DYNC1I1: variants seen among roughly 807,000 people sequenced by gnomAD.
DYNC1I1 encodes the protein dynein cytoplasmic 1 intermediate chain 1.
A neutral mutation model predicts 86.6 loss-of-function variants in DYNC1I1; 43 were observed. That is an observed-to-expected ratio of 0.50 (90% confidence interval 0.39 to 0.64). DYNC1I1 has a LOEUF of 0.64. Ranked by LOEUF, DYNC1I1 falls within the 30% of genes least tolerant of loss-of-function variation. The probability of loss-of-function intolerance (pLI) is 0.00; values close to 1 mark genes in which losing one functional copy is unlikely to be tolerated. For synonymous variants in DYNC1I1, 262 were observed against 283.7 expected (o/e 0.92, Z 0.77); for missense variants, 604 against 788.8 (o/e 0.77, Z 2.81).
chr7:96,013,218 A>T (rs1469207085), intron 10 of DYNC1I1, among the ~76,000 whole-genome samples: 3 of 152,082 alleles, frequency 2.0e-5, no homozygotes, highest in Non-Finnish European at 4.4e-5. Context: ...GTGTGATGTG[A>T]GAGAGAGACT....
At chr7:96,063,107 A>G (rs190253818) in intron 14 of DYNC1I1, among the ~76,000 whole-genome samples, 1,783 of 129,130 alleles carry the variant, frequency 0.014, 32 homozygotes, top group African/African-American at 0.056. Flanking sequence ...GTGTATATAT[A>G]TGTGTGTGTG....
rs115605959 is a variant in DYNC1I1, at chr7:96,030,657, C to T, written c.1117-2010C>T. 6.2e-3 allele frequency among the ~76,000 whole-genome samples: 943 copies of T among 152,190 alleles called. 15 individuals carry two copies. Among genetic ancestry groups the T allele is most frequent in the African/African-American group, 0.021 (883 of 41,506 alleles). On this transcript the variant is annotated intron_variant, in intron 11 of 16. Transcript: ENST00000447467. Reference sequence around the variant, plus strand: ...GCCCCACTGGACTCTTGTTGAAAAACAAGATGGATTTCAGGTTCATAACAG... The same window carrying T: ...GCCCCACTGGACTCTTGTTGAAAAATAAGATGGATTTCAGGTTCATAACAG...
chr7:95,968,139 A>T (rs1793064709), intron 6 of DYNC1I1, among the ~76,000 whole-genome samples: 1 of 151,868 alleles, frequency 6.6e-6, no homozygotes, highest in Non-Finnish European at 1.5e-5. Context: ...GGTTAGAGGT[A>T]GGGAACAATG....
rs1446124789 is a variant in DYNC1I1 at position 95,986,181 on chromosome 7, CAA to C, written c.744-874_744-873del. Among the ~76,000 whole-genome samples, 6 of 152,220 alleles carry C rather than the reference CAA, an allele frequency of 3.9e-5. No individual in the cohort carries two copies. In the East Asian group the frequency reaches 1.2e-3, roughly 29 times the overall value. On this transcript the variant is annotated intron_variant, in intron 8 of 16. Coordinates refer to ENST00000447467, the MANE Select transcript of DYNC1I1 (RefSeq NM_001135556.2). ...TGGAAGCCAGGTCACCCAGTCTGAA[CAA>C]GAGCCATATAAGTTAAGTGATGCAG... is the stretch of plus-strand genomic sequence containing the variant.
chr7:96,061,867 T>C (rs1789789917), intron 14 of DYNC1I1, among the ~76,000 whole-genome samples: 1 of 152,190 alleles, frequency 6.6e-6, no homozygotes, highest in African/African-American at 2.4e-5. Context: ...CCTATTAAAT[T>C]GCAAATGTGG....
intron 1 of DYNC1I1, among the ~76,000 whole-genome samples, chr7:95,780,478 C>T (rs1190673954): frequency 6.7e-6 from 1 of 148,364 alleles, no homozygotes; most frequent in African/African-American, 2.5e-5. Context: ...CGGGGTTTCA[C>T]CATGTTAGCC....
At chr7:95,991,422 G>C (rs1357508370) in intron 9 of DYNC1I1, among the ~76,000 whole-genome samples, 1 of 152,178 alleles carries the variant, frequency 6.6e-6, no homozygotes, top group East Asian at 1.9e-4. Flanking sequence ...CATTATAGTA[G>C]TTAGGGAATT....
chr7:96,045,478 A>T (rs759740704), intron 14 of DYNC1I1, among the ~76,000 whole-genome samples: 6 of 152,186 alleles, frequency 3.9e-5, no homozygotes, highest in Non-Finnish European at 5.9e-5. Context: ...AATTAGGAGG[A>T]GACATCAAAA....
At chr7:95,861,103 G>A (rs1562925649) in intron 5 of DYNC1I1, among the ~76,000 whole-genome samples, 1 of 151,972 alleles carries the variant, frequency 6.6e-6, no homozygotes, top group Non-Finnish European at 1.5e-5. Context: ...TTGGTTTCCT[G>A]GCTTCTGAGT....
At chr7:95,826,419 C>T (rs983110910) in intron 4 of DYNC1I1, among the ~76,000 whole-genome samples, 2 of 152,318 alleles carry the variant, frequency 1.3e-5, no homozygotes, top group African/African-American at 2.4e-5. Flanking sequence ...AAAGCAGCTG[C>T]TGCTTATCAT....
At chr7:95,799,628 A>C (rs1367871472) in intron 1 of DYNC1I1, among the ~76,000 whole-genome samples, 2 of 151,296 alleles carry the variant, frequency 1.3e-5, no homozygotes, top group Middle Eastern at 3.2e-3. Context: ...ACTACACTTA[A>C]TTTTTTAAAA....
At chr7:96,044,432 AT>A (rs1789146648) in intron 14 of DYNC1I1, among the ~76,000 whole-genome samples, 1 of 152,106 alleles carries the variant, frequency 6.6e-6, no homozygotes, top group Admixed American at 6.5e-5. Context: ...GCAAGAAAGC[AT>A]TAAAATCAAG....
Position 95,955,686 on chromosome 7 carries a change from C to T in DYNC1I1, c.491-21826C>T, listed in dbSNP as rs150786931. Among the ~76,000 whole-genome samples, 364 of 152,130 alleles carry T rather than the reference C, an allele frequency of 2.4e-3. 4 individuals are homozygous for T. Among genetic ancestry groups the T allele is most frequent in the African/African-American group, 8.2e-3 (342 of 41,500 alleles). On this transcript the variant is annotated intron_variant, in intron 6 of 16. Transcript: ENST00000447467. The stretch of plus-strand genomic sequence containing the variant: ...TGTTCACTTTCGGAAACACATTAAC[C>T]AGCTCACGTAAAAATTTCAAACAGG...
At chr7:95,845,364 G>C (rs866681844) in intron 5 of DYNC1I1, among the ~76,000 whole-genome samples, 3 of 152,196 alleles carry the variant, frequency 2.0e-5, no homozygotes, top group African/African-American at 7.2e-5. Context: ...AACTAGGAAA[G>C]TTCTAGAGGT....
intron 16 of DYNC1I1, among the ~76,000 whole-genome samples, chr7:96,091,627 G>A (rs1231064713): frequency 2.6e-5 from 4 of 152,128 alleles, no homozygotes. Context: ...ATATTGCACT[G>A]GGATGGTGAA....
intron 1 of DYNC1I1, among the ~76,000 whole-genome samples, chr7:95,779,840 G>T (rs1489285276): frequency 6.6e-6 from 1 of 152,150 alleles, no homozygotes; most frequent in Admixed American, 6.5e-5. Context: ...CGCCCATTTT[G>T]TGTCTGTGCC....
At chr7:95,828,541 T>A (rs1323529817) in intron 5 of DYNC1I1, among the ~76,000 whole-genome samples, 2 of 152,146 alleles carry the variant, frequency 1.3e-5, no homozygotes, top group Admixed American at 6.5e-5. Context: ...ACTTTTCTTT[T>A]CAGTTTTTGG....
chr7:95,787,109 A>G (rs1794168780), intron 1 of DYNC1I1, among the ~76,000 whole-genome samples: 1 of 152,198 alleles, frequency 6.6e-6, no homozygotes, highest in Non-Finnish European at 1.5e-5. Flanking sequence ...ATGGGTAAAC[A>G]TGCAACCCAA....
intron 6 of DYNC1I1, among the ~76,000 whole-genome samples, chr7:95,903,341 G>C (rs1295908498): frequency 2.6e-5 from 4 of 152,150 alleles, no homozygotes; most frequent in Non-Finnish European, 5.9e-5. Flanking sequence ...CTTATTTAGG[G>C]AAGTGTTCAT....
Sources: gnomAD v4.1 joint callset for allele counts (sites outside exome capture counted in the v4.1 genomes callset) on GRCh38, gnomAD v4.1.1 for gene constraint, MANE v1.5 for transcripts, NCBI Gene and HGNC (gene_info 2026-07-23, HGNC 2026-07-21) for gene names.